SUPT3H: variants seen among roughly 807,000 people sequenced by gnomAD.
SUPT3H encodes transcription initiation protein SPT3 homolog.
SUPT3H carries 44 observed loss-of-function variants against 44.3 expected under a neutral mutation model. That is an observed-to-expected ratio of 0.99 (90% CI 0.78 to 1.28). SUPT3H has a LOEUF of 1.28. SUPT3H is among the 50% of genes most tolerant of loss of function. SUPT3H has a pLI of 0.00. For synonymous variants in SUPT3H, 124 were observed against 125.6 expected (o/e 0.99, Z 0.09); for missense variants, 380 against 387.1 (o/e 0.98, Z 0.15).
At chr6:45,261,096 G>A (rs1046930160) in intron 2 of SUPT3H, among the ~76,000 whole-genome samples, 1 of 151,796 alleles carries the variant, frequency 6.6e-6, no homozygotes, top group Non-Finnish European at 1.5e-5. Context: ...ATCAAAATTT[G>A]CCCTGGAACA....
chr6:45,217,739 A>T (rs927791577), intron 2 of SUPT3H, among the ~76,000 whole-genome samples: 1 of 151,872 alleles, frequency 6.6e-6, no homozygotes, highest in African/African-American at 2.4e-5. Context: ...AAAATACAAA[A>T]ATTAGCCAGG....
At chr6:44,934,846 T>C (rs1771164248) in intron 9 of SUPT3H, among the ~76,000 whole-genome samples, 1 of 152,212 alleles carries the variant, frequency 6.6e-6, no homozygotes, top group South Asian at 2.1e-4. Context: ...GATTTTGTTA[T>C]GGAAGCCCAA....
chr6:44,944,529 T>C (rs1772970412), intron 9 of SUPT3H, among the ~76,000 whole-genome samples: 1 of 151,182 alleles, frequency 6.6e-6, no homozygotes, highest in Admixed American at 6.6e-5. Context: ...GAGGCTGAGG[T>C]GGGTGGACCG....
intron 3 of SUPT3H, among the ~76,000 whole-genome samples, chr6:45,104,856 TAA>T (rs1055391790): frequency 2.6e-5 from 4 of 151,998 alleles, no homozygotes; most frequent in African/African-American, 9.7e-5. Context: ...CCTTAACTTA[TAA>T]AATCATGTAA....
At chr6:45,190,537 T>C (rs747247896) in intron 2 of SUPT3H, among the ~76,000 whole-genome samples, 9 of 152,162 alleles carry the variant, frequency 5.9e-5, no homozygotes, top group Non-Finnish European at 1.3e-4. Context: ...GTTATTCTCA[T>C]TTAAACTATT....
chr6:44,918,329 T>C (rs568069283), intron 10 of SUPT3H, among the ~76,000 whole-genome samples: 1 of 152,290 alleles, frequency 6.6e-6, no homozygotes, highest in African/African-American at 2.4e-5. Context: ...AATTAAAAAG[T>C]CCCCACATCA....
chr6:45,371,157 C>CA (rs1215618409), intron 1 of SUPT3H, among the ~76,000 whole-genome samples: 2 of 152,004 alleles, frequency 1.3e-5, no homozygotes, highest in Admixed American at 6.5e-5. Context: ...ACAAACATGT[C>CA]AAAAAAATAA....
intron 6 of SUPT3H, among the ~76,000 whole-genome samples, chr6:44,978,347 A>G (rs941382704): frequency 4.6e-5 from 7 of 152,212 alleles, no homozygotes; most frequent in Non-Finnish European, 1.0e-4. Context: ...AGAAACATGT[A>G]GTAATTTGTC....
chr6:44,995,469 C>G (rs1438191250), intron 6 of SUPT3H, among the ~76,000 whole-genome samples: 1 of 152,042 alleles, frequency 6.6e-6, no homozygotes, highest in Non-Finnish European at 1.5e-5. Flanking sequence ...CAAATCACAA[C>G]TAAACCACCA....
chr6:45,051,377 G>A (rs1343717144), intron 3 of SUPT3H, among the ~76,000 whole-genome samples: 1 of 152,028 alleles, frequency 6.6e-6, no homozygotes, highest in Non-Finnish European at 1.5e-5. Context: ...TATAAGCTGA[G>A]AATCAGGATA....
chr6:44,823,764 C>A (rs1022231719), downstream of SUPT3H, among the ~76,000 whole-genome samples: 1 of 152,046 alleles, frequency 6.6e-6, no homozygotes, highest in Non-Finnish European at 1.5e-5. Context: ...GAGTTCGAGA[C>A]CAACCTGGCC....
intron 2 of SUPT3H, among the ~76,000 whole-genome samples, chr6:45,343,987 A>G (rs909191361): frequency 5.3e-5 from 8 of 152,346 alleles, no homozygotes; most frequent in Admixed American, 3.9e-4. Flanking sequence ...ATATTTTACA[A>G]TCACAGGTGC....
At chr6:45,020,699 T>C in intron 3 of SUPT3H, 67 bp from the exon 4 acceptor site, 1 of 1,111,260 alleles carries the variant, frequency 9.0e-7, no homozygotes, top group Non-Finnish European at 1.3e-6. Context: ...AGTCATGATG[T>C]CTCTAAAGAG....
intron 2 of SUPT3H, among the ~76,000 whole-genome samples, chr6:45,348,860 T>TAA (rs1791457673): frequency 6.6e-6 from 1 of 152,138 alleles, no homozygotes; most frequent in African/African-American, 2.4e-5. Flanking sequence ...TGAACTCTCT[T>TAA]TGAGAGGCTT....
chr6:44,819,556 C>T (rs779128218), intron 11 of SUPT3H, among the ~76,000 whole-genome samples: 17 of 149,638 alleles, frequency 1.1e-4, no homozygotes, highest in Non-Finnish European at 5.9e-5. Context: ...CTTTGGGAGG[C>T]TGAGGCAGGA....
chr6:44,888,549 T>C (rs1334963635), intron 10 of SUPT3H, among the ~76,000 whole-genome samples: 2 of 152,164 alleles, frequency 1.3e-5, no homozygotes, highest in Non-Finnish European at 2.9e-5. Context: ...GAAAAGGCCT[T>C]TGACAAAATT....
chr6:45,178,506 C>A (rs35523359), intron 2 of SUPT3H, among the ~76,000 whole-genome samples: 10 of 151,632 alleles, frequency 6.6e-5, no homozygotes, highest in Admixed American at 6.6e-4. Context: ...GACAGATCAA[C>A]GAGACAGACA....
At chr6:45,250,206 T>TA (rs1772112241) in intron 2 of SUPT3H, among the ~76,000 whole-genome samples, 2 of 150,576 alleles carry the variant, frequency 1.3e-5, no homozygotes, top group South Asian at 4.2e-4. Context: ...ACAAAAAGGA[T>TA]AAAAAGGAAA....
chr6:45,010,486 T>A (rs1783328407), intron 5 of SUPT3H, among the ~76,000 whole-genome samples: 1 of 152,144 alleles, frequency 6.6e-6, no homozygotes, highest in Admixed American at 6.6e-5. Flanking sequence ...TATATGTCTG[T>A]CTTAGCTCAG....
Sources: gnomAD v4.1 joint callset for allele counts (sites outside exome capture counted in the v4.1 genomes callset) on GRCh38, gnomAD v4.1.1 for gene constraint, MANE v1.5 for transcripts, NCBI Gene and HGNC (gene_info 2026-07-23, HGNC 2026-07-21) for gene names.